POM121: variants seen among roughly 807,000 people sequenced by gnomAD.
The protein encoded by POM121 is nuclear envelope pore membrane protein POM 121.
POM121 carries 32 observed loss-of-function variants against 81.3 expected under a neutral mutation model. The ratio of observed to expected loss-of-function variants is 0.39; its 90% CI spans 0.30 to 0.53. The LOEUF (loss-of-function observed/expected upper bound fraction) is 0.53. Ranked by LOEUF, POM121 falls within the 20% of genes least tolerant of loss-of-function variation. The probability of loss-of-function intolerance (pLI) is 0.66; values close to 1 mark genes in which losing one functional copy is unlikely to be tolerated. For missense variants in POM121, 1,138 were observed against 1,614.6 expected, an observed-to-expected ratio of 0.70 and a Z score of 5.06; for synonymous variants, 514 against 694.2, an observed-to-expected ratio of 0.74 and a Z score of 4.08.
chr7:72,917,637 C>T (rs1794406913), intron 4 of POM121, among the ~76,000 whole-genome samples: 1 of 152,230 alleles, frequency 6.6e-6, no homozygotes, highest in South Asian at 2.1e-4. Context: ...GTTATTTTCT[C>T]ACAGTTCTAG....
At chr7:72,892,525 C>G (rs1450088863) in intron 3 of POM121, among the ~76,000 whole-genome samples, 1 of 152,216 alleles carries the variant, frequency 6.6e-6, no homozygotes, top group Non-Finnish European at 1.5e-5. Flanking sequence ...TTCTCCCATA[C>G]CTGGATTACA....
At chr7:72,920,295 C>T (rs189803878), upstream of POM121, among the ~76,000 whole-genome samples, 20 of 149,042 alleles carry the variant, frequency 1.3e-4, no homozygotes, top group South Asian at 2.1e-4. Flanking sequence ...CCTAGTAATA[C>T]GATGTCAGGA....
Position 72,946,143 on chromosome 7 carries a change from C to T in POM121, c.3659C>T (p.Ala1220Val), listed in dbSNP as rs782004424. The T allele has an allele frequency of 3.4e-5, 54 of 1,611,548 alleles. 2 individuals carry two copies. Among genetic ancestry groups the T allele is most frequent in the South Asian group, 7.7e-5 (7 of 90,966 alleles). Reference protein sequence around the residue: ...GFVGVAPFGSAALSFSIGAGS... With the variant: ...GFVGVAPFGSVALSFSIGAGS... ...TCTTGTTGAATCTTTCCAGGATCGG[C>T]GGCCCTTTCATTTTCCATTGGTGCG... Residue 1220 changes from alanine (A) to valine (V), a missense_variant, in exon 13 of 13, where the codon GCG becomes GTG. Ala to Val is a moderately conservative substitution (Grantham distance 64, BLOSUM62 0). Around this residue, in one of 7 missense-constraint regions of POM121, gnomAD observed 336 missense variants for 344.3 expected, o/e 0.98. Coordinates refer to ENST00000434423, the MANE Select transcript of POM121 (RefSeq NM_001387691.1).
intron 3 of POM121, among the ~76,000 whole-genome samples, chr7:72,894,783 A>C (rs1212158133): frequency 6.6e-6 from 1 of 151,532 alleles, no homozygotes; most frequent in Non-Finnish European, 1.5e-5. Flanking sequence ...CCACCTTCCA[A>C]GTAGCTGGCA....
intron 1 of POM121, among the ~76,000 whole-genome samples, chr7:72,884,306 T>G (rs1790458577): frequency 6.6e-6 from 1 of 152,136 alleles, no homozygotes; most frequent in Non-Finnish European, 1.5e-5. Flanking sequence ...GGAGGGTATT[T>G]TGTTTTGTTA....
At chr7:72,921,831 G>T (rs1184161576), upstream of POM121, among the ~76,000 whole-genome samples, 1 of 152,076 alleles carries the variant, frequency 6.6e-6, no homozygotes, top group African/African-American at 2.4e-5. Flanking sequence ...ATACCAGTTT[G>T]CCCATCCTTG....
rs143666868 is a variant in POM121 at position 72,925,141 on chromosome 7, C to A, written c.20C>A (p.Ala7Glu). The change falls in exon 1 of 13, where the codon GCG becomes GAG. Residue 7 changes from alanine (A) to glutamate (E), a missense_variant. Ala to Glu is a moderately radical substitution (Grantham distance 107). Around this residue, in one of 7 missense-constraint regions of POM121, gnomAD observed 646 missense variants for 633.5 expected, o/e 1.02. Coordinates refer to ENST00000434423, the MANE Select transcript of POM121 (RefSeq NM_001387691.1). MSPAAA[A>E]AGAGERRRPI... The stretch of plus-strand genomic sequence containing the variant: ...GCCGCGATGTCTCCGGCGGCTGCGG[C>A]GGCTGGAGCAGGCGAGCGGCGGCGG... 83,940 of 1,442,074 alleles carry A rather than the reference C, an allele frequency of 0.058. 2,802 individuals carry two copies. Among genetic ancestry groups the A allele is most frequent in the Non-Finnish European group, 0.067 (74,602 of 1,110,314 alleles). 89.3% of individuals were successfully genotyped at this position (1,442,074 alleles called of 1,614,324 possible). A position where few individuals can be genotyped will look rare whatever the true frequency, so the allele number is the denominator to read the frequency against.
chr7:72,891,632 C>T (rs1554490920), intron 3 of POM121, among the ~76,000 whole-genome samples: 2 of 152,172 alleles, frequency 1.3e-5, no homozygotes, highest in Non-Finnish European at 1.5e-5. Context: ...GTCTTGAACT[C>T]CTGGTCTCAA....
intron 5 of POM121, among the ~76,000 whole-genome samples, chr7:72,934,707 T>G (rs1429624969): frequency 1.1e-4 from 17 of 152,168 alleles, no homozygotes; most frequent in Non-Finnish European, 2.1e-4. Flanking sequence ...TTTGGTGGTG[T>G]TGGTGGTTTT....
chr7:72,938,622 C>A lies in POM121; in HGVS notation c.1308C>A (p.Pro436=). ...AGAGAAATGGCCCCAGTTCATCACC[C>A]TTCTCTAGCCCAGCCTCCTCCCGCT... ...LWKRNGPSSS[P]FSSPASSRSQ... The change falls in exon 6 of 13, where the codon CCC becomes CCA. Residue 436 remains proline (P), a synonymous_variant. Coordinates refer to ENST00000434423, the MANE Select transcript of POM121 (RefSeq NM_001387691.1). The A allele has an allele frequency of 6.2e-7, 1 of 1,613,934 alleles. No individual in the cohort carries two copies. Among genetic ancestry groups the A allele is most frequent in the Non-Finnish European group, 8.5e-7 (1 of 1,179,822 alleles).
intron 3 of POM121, among the ~76,000 whole-genome samples, chr7:72,894,009 C>T (rs1554491283): frequency 6.6e-6 from 1 of 151,988 alleles, no homozygotes; most frequent in African/African-American, 2.4e-5. Flanking sequence ...TGATGGCTCA[C>T]ACCTGTAATC....
At chr7:72,879,979 C>G in intron 1 of POM121, 9 of 392,518 alleles carry the variant, frequency 2.3e-5, no homozygotes, top group South Asian at 1.7e-4. Context: ...GGGAGCGTCC[C>G]GATTGCTTGC....
At chr7:72,921,688 C>G (rs1794831569), upstream of POM121, among the ~76,000 whole-genome samples, 2 of 152,208 alleles carry the variant, frequency 1.3e-5, no homozygotes, top group South Asian at 4.1e-4. Context: ...GATCAGCAGA[C>G]TGCCAGATTT....
chr7:72,902,546 T>C (rs1317244279), intron 3 of POM121, among the ~76,000 whole-genome samples: 1 of 149,018 alleles, frequency 6.7e-6, no homozygotes, highest in Non-Finnish European at 1.5e-5. Flanking sequence ...TTCTTTTTTT[T>C]GAGACAGGGT....
exon 2 of POM121, chr7:72,890,712 G>A (rs1791220073): frequency 6.2e-7 from 1 of 1,601,834 alleles, no homozygotes; most frequent in Non-Finnish European, 8.5e-7. Context: ...ATAACATACG[G>A]GGATGTGATG....
intron 3 of POM121, chr7:72,891,238 C>G: frequency 1.9e-6 from 1 of 529,140 alleles, no homozygotes; most frequent in Non-Finnish European, 3.4e-6. Flanking sequence ...ACTTTCCTTC[C>G]TGCACACATA....
rs573112616 is a variant in POM121 at position 72,928,506 on chromosome 7, A to G, written c.1103+41A>G. 2.3e-5 allele frequency: 36 copies of G among 1,592,982 alleles called. 1 individual carries two copies. In the South Asian group the frequency reaches 3.6e-4, roughly 16 times the overall value. On this transcript the variant is annotated intron_variant, in intron 4 of 12. Coordinates refer to ENST00000434423, the MANE Select transcript of POM121 (RefSeq NM_001387691.1). ...TCCGGATGAAATACCAACTGTTTGG[A>G]AAAAGGCCTGATCAGAGCTGTTGCC...
At chr7:72,926,531 C>T in intron 2 of POM121, 54 bp downstream of exon 2, 2 of 1,606,174 alleles carry the variant, frequency 1.2e-6, no homozygotes, top group Non-Finnish European at 1.7e-6. Flanking sequence ...CTTTATTCTT[C>T]TCCAGTTGTT....
intron 3 of POM121, among the ~76,000 whole-genome samples, chr7:72,896,177 C>G (rs1483686916): frequency 5.3e-5 from 8 of 151,520 alleles, no homozygotes; most frequent in Non-Finnish European, 1.5e-5. Flanking sequence ...AAATGAGTTC[C>G]AGTTTAAAAA....
Sources: gnomAD v4.1 joint callset for allele counts (sites outside exome capture counted in the v4.1 genomes callset) on GRCh38, gnomAD v4.1.1 for gene constraint, gnomAD v4.1.1 regional missense constraint, MANE v1.5 for transcripts, NCBI Gene and HGNC (gene_info 2026-07-23, HGNC 2026-07-21) for gene names.